GBE1: variants seen among roughly 807,000 people sequenced by gnomAD.
GBE1 encodes 1,4-alpha-glucan-branching enzyme.
A neutral mutation model predicts 88.8 loss-of-function variants in GBE1; 70 were observed. The ratio of observed to expected loss-of-function variants is 0.79; its 90% CI spans 0.65 to 0.96. The LOEUF (loss-of-function observed/expected upper bound fraction) is 0.96, where lower values mean the gene tolerates loss of function less well. Among genes scored for constraint, GBE1 ranks in the 40% least tolerant of loss-of-function variants. GBE1 has a pLI of 0.00. For synonymous variants in GBE1, 284 were observed against 300.1 expected (o/e 0.95, Z 0.56); for missense variants, 872 against 871.0 (o/e 1.00, Z -0.01).
intron 4 of GBE1, among the ~76,000 whole-genome samples, chr3:81,649,320 A>G (rs955437101): frequency 1.3e-5 from 2 of 152,132 alleles, no homozygotes; most frequent in Non-Finnish European, 2.9e-5. Context: ...ACAAACTCCA[A>G]TGATTTAAAA....
intron 14 of GBE1, among the ~76,000 whole-genome samples, chr3:81,503,791 T>C (rs1385745214): frequency 1.3e-5 from 2 of 152,194 alleles, no homozygotes; most frequent in Non-Finnish European, 2.9e-5. Flanking sequence ...TGTTTTCATA[T>C]ACAGTTTCTT....
At chr3:81,596,164 A>AT (rs1212001085) in intron 7 of GBE1, among the ~76,000 whole-genome samples, 2 of 152,022 alleles carry the variant, frequency 1.3e-5, no homozygotes, top group African/African-American at 4.8e-5. Flanking sequence ...AAATTTAGAA[A>AT]TTTTATTTTT....
At position 81,578,036 on chromosome 3, in the gene GBE1, T is replaced by A. The variant is rs753275619; in HGVS notation, c.1507A>T (p.Met503Leu). The A allele has an allele frequency of 3.7e-6, 6 of 1,610,720 alleles. No individual in the cohort carries two copies. Among genetic ancestry groups the A allele is most frequent in the East Asian group, 2.2e-5 (1 of 44,740 alleles). The change falls in exon 12 of 16, where the codon ATG (methionine) becomes TTG (leucine). Residue 503 changes from methionine (M) to leucine (L), a missense_variant. Met to Leu is a conservative substitution (Grantham distance 15, BLOSUM62 2). Transcript: ENST00000429644. The part of the protein sequence containing the change: ...WLMDAEMYTN[M>L]SVLTPFTPVI... ...GGAGTAAAAGGAGTCAGGACACTCA[T>A]GTTTGTATACATTTCGGCATCCATC...
At chr3:81,609,521 T>C in intron 7 of GBE1, among the ~76,000 whole-genome samples, 1 of 152,156 alleles carries the variant, frequency 6.6e-6, no homozygotes, top group East Asian at 1.9e-4. Flanking sequence ...ACTTCTAAAA[T>C]CTTATTTTCT....
At chr3:81,595,350 C>A (rs1161506916) in intron 7 of GBE1, among the ~76,000 whole-genome samples, 2 of 151,660 alleles carry the variant, frequency 1.3e-5, no homozygotes, top group Non-Finnish European at 3.0e-5. Context: ...CTCTATTTTG[C>A]ATAGGAATTT....
chr3:81,578,125 T>G, intron 11 of GBE1, 29 bp from the exon 12 acceptor site: 2 of 1,509,646 alleles, frequency 1.3e-6, no homozygotes, highest in East Asian at 2.4e-5. Context: ...TGGAGATAAA[T>G]GAAAAAAAAA....
intron 3 of GBE1, among the ~76,000 whole-genome samples, chr3:81,650,957 T>C (rs1704841250): frequency 2.6e-5 from 4 of 152,190 alleles, no homozygotes; most frequent in Non-Finnish European, 5.9e-5. Context: ...ATTACAGGCG[T>C]GAGCCAATGC....
intron 1 of GBE1, among the ~76,000 whole-genome samples, chr3:81,716,721 GATTA>G (rs1197155470): frequency 7.9e-5 from 12 of 152,128 alleles, no homozygotes; most frequent in Admixed American, 2.6e-4. Context: ...TGACTTAACA[GATTA>G]ATTAGAATAA....
At chr3:81,684,902 T>C (rs1705410741) in intron 2 of GBE1, among the ~76,000 whole-genome samples, 1 of 152,078 alleles carries the variant, frequency 6.6e-6, no homozygotes, top group South Asian at 2.1e-4. Context: ...TAAGTCACCA[T>C]CCCCAGCCAA....
At chr3:81,593,652 G>A (rs565033865) in intron 8 of GBE1, among the ~76,000 whole-genome samples, 2 of 152,068 alleles carry the variant, frequency 1.3e-5, no homozygotes, top group South Asian at 2.1e-4. Context: ...TCCTGAGAGT[G>A]TTACAATAAA....
intron 1 of GBE1, among the ~76,000 whole-genome samples, chr3:81,718,124 C>T (rs545016572): frequency 2.0e-4 from 30 of 152,030 alleles, no homozygotes; most frequent in African/African-American, 4.6e-4. Flanking sequence ...GGACTACAGG[C>T]GTGCGCCACC....
intron 1 of GBE1, among the ~76,000 whole-genome samples, chr3:81,715,989 A>G: frequency 6.6e-6 from 1 of 152,206 alleles, no homozygotes; most frequent in East Asian, 1.9e-4. Flanking sequence ...ACAAAAATAA[A>G]ATTTAAACAT....
At chr3:81,660,345 C>T (rs1241228830) in intron 3 of GBE1, among the ~76,000 whole-genome samples, 2 of 152,110 alleles carry the variant, frequency 1.3e-5, no homozygotes, top group African/African-American at 4.8e-5. Context: ...CTTCCTTGTT[C>T]AGATATATCT....
At chr3:81,611,219 G>A (rs1704178485) in intron 7 of GBE1, among the ~76,000 whole-genome samples, 1 of 152,260 alleles carries the variant, frequency 6.6e-6, no homozygotes, top group African/African-American at 2.4e-5. Context: ...ACAAGGATGT[G>A]GCGGATGCAT....
intron 1 of GBE1, among the ~76,000 whole-genome samples, chr3:81,734,528 G>A (rs560963120): frequency 5.9e-5 from 9 of 152,260 alleles, no homozygotes; most frequent in East Asian, 1.9e-4. Context: ...CATCTGGCAC[G>A]TGTGAGTCCT....
intron 14 of GBE1, among the ~76,000 whole-genome samples, chr3:81,521,043 C>G (rs1411784235): frequency 6.6e-6 from 1 of 151,436 alleles, no homozygotes; most frequent in Non-Finnish European, 1.5e-5. Context: ...TTTCTTCTAC[C>G]TTGCCTGGCA....
intron 2 of GBE1, among the ~76,000 whole-genome samples, chr3:81,686,009 A>G (rs1397260713): frequency 6.6e-6 from 1 of 152,178 alleles, no homozygotes. Flanking sequence ...TTCAAGTGGC[A>G]TGCATTTTCA....
intron 1 of GBE1, among the ~76,000 whole-genome samples, chr3:81,745,986 T>C (rs1706415156): frequency 6.6e-6 from 1 of 152,168 alleles, no homozygotes; most frequent in Non-Finnish European, 1.5e-5. Flanking sequence ...AAAGGCTAAT[T>C]TCATTTAGAT....
intron 14 of GBE1, among the ~76,000 whole-genome samples, chr3:81,527,029 C>T (rs1026319308): frequency 4.4e-4 from 67 of 152,072 alleles, no homozygotes; most frequent in Admixed American, 8.5e-4. Context: ...GAGATATAGA[C>T]CAATGGAACA....
Sources: allele counts gnomAD v4.1 joint callset (sites outside exome capture counted in the v4.1 genomes callset), GRCh38; gene constraint gnomAD v4.1.1; transcripts MANE v1.5; gene names NCBI Gene and HGNC (gene_info 2026-07-23, HGNC 2026-07-21).